The following EYA1 variants were observed in gnomAD, a reference collection of about 807,000 sequenced individuals.
The protein encoded by EYA1 is EYA transcriptional coactivator and phosphatase 1.
EYA1 carries 16 observed loss-of-function variants against 82.0 expected under a neutral mutation model. That is an observed-to-expected ratio of 0.20 (90% confidence interval 0.13 to 0.30). The LOEUF is 0.30. EYA1 is among the 10% of genes least tolerant of loss of function. The pLI is 1.00. For missense variants in EYA1, 633 were observed against 730.7 expected (o/e 0.87, Z 1.54); for synonymous variants, 261 against 264.4 (o/e 0.99, Z 0.12).
At chr8:71,538,538 A>G (rs1814894721) in intron 1 of EYA1, among the ~76,000 whole-genome samples, 1 of 152,228 alleles carries the variant, frequency 6.6e-6, no homozygotes, top group Admixed American at 6.5e-5. Context: ...CCTAAGAAAC[A>G]GGCTTAAGCA....
At chr8:71,216,663 T>C (rs1563633210) in intron 14 of EYA1, 29 bp downstream of exon 14, 2 of 1,611,654 alleles carry the variant, frequency 1.2e-6, no homozygotes, top group Non-Finnish European at 1.7e-6. Context: ...CTGTCTTAAC[T>C]TGCTGAGGTA....
intron 2 of EYA1, among the ~76,000 whole-genome samples, chr8:71,374,952 A>G (rs1024315144): frequency 6.6e-6 from 1 of 152,200 alleles, no homozygotes; most frequent in African/African-American, 2.4e-5. Context: ...AAAGTCAAAT[A>G]CATAGAAAGA....
intron 2 of EYA1, among the ~76,000 whole-genome samples, chr8:71,374,976 A>T (rs570452222): frequency 6.6e-6 from 1 of 152,164 alleles, no homozygotes; most frequent in East Asian, 1.9e-4. Flanking sequence ...TAATGTGGTT[A>T]CCAGGGGCAA....
chr8:71,317,372 A>T (rs902146570), intron 7 of EYA1, among the ~76,000 whole-genome samples, 180 bp downstream of exon 7: 2 of 152,210 alleles, frequency 1.3e-5, no homozygotes, highest in African/African-American at 4.8e-5. Flanking sequence ...TGTTATAAAT[A>T]TGGAAATTTA....
intron 2 of EYA1, among the ~76,000 whole-genome samples, chr8:71,439,610 T>C (rs80145723): frequency 0.013 from 1,995 of 152,338 alleles, 37 homozygotes; most frequent in African/African-American, 0.046. Context: ...ATGGCATTAT[T>C]TGGCTTACCA....
intron 2 of EYA1, among the ~76,000 whole-genome samples, chr8:71,416,269 G>A (rs1007847249): frequency 1.3e-5 from 2 of 152,338 alleles, no homozygotes; most frequent in Middle Eastern, 3.4e-3. Flanking sequence ...CTCTGTGACA[G>A]CAGTACTATT....
chr8:71,267,694 A>T (rs2053663), intron 11 of EYA1, among the ~76,000 whole-genome samples: 313 of 151,912 alleles, frequency 2.1e-3, no homozygotes, highest in Non-Finnish European at 4.2e-3. Context: ...GACTACAGGC[A>T]CCTGCCACCA....
At chr8:71,437,132 C>T (rs1368470883) in intron 2 of EYA1, among the ~76,000 whole-genome samples, 1 of 148,798 alleles carries the variant, frequency 6.7e-6, no homozygotes, top group Non-Finnish European at 1.5e-5. Flanking sequence ...AGTTTGCCTA[C>T]ATATAATTAT....
intron 11 of EYA1, among the ~76,000 whole-genome samples, chr8:71,267,813 G>T (rs1261443196): frequency 6.6e-6 from 1 of 152,178 alleles, no homozygotes; most frequent in African/African-American, 2.4e-5. Flanking sequence ...CTCCCAAAGT[G>T]CTGGGATTAC....
intron 3 of EYA1, among the ~76,000 whole-genome samples, chr8:71,336,862 A>G (rs775950377): frequency 1.3e-4 from 20 of 152,350 alleles, no homozygotes; most frequent in Non-Finnish European, 2.5e-4. Flanking sequence ...ACTGTAATTG[A>G]ATACTTTGAT....
chr8:71,380,932 C>T (rs1303713229), intron 2 of EYA1, among the ~76,000 whole-genome samples: 1 of 152,230 alleles, frequency 6.6e-6, no homozygotes, highest in African/African-American at 2.4e-5. Flanking sequence ...GTGTTGCTGG[C>T]TCAGACTCCT....
intron 2 of EYA1, among the ~76,000 whole-genome samples, chr8:71,489,658 A>G (rs943016541): frequency 1.3e-5 from 2 of 152,244 alleles, no homozygotes; most frequent in African/African-American, 4.8e-5. Flanking sequence ...AGCTAATAGC[A>G]ATGGTTTCAG....
At chr8:71,287,130 G>GA (rs965812689) in intron 9 of EYA1, among the ~76,000 whole-genome samples, 1 of 150,532 alleles carries the variant, frequency 6.6e-6, no homozygotes, top group Admixed American at 6.6e-5. Context: ...TGGCATAAAA[G>GA]AAAAAAAAGG....
chr8:71,300,513 T>C (rs1423049535), intron 7 of EYA1, among the ~76,000 whole-genome samples: 1 of 152,156 alleles, frequency 6.6e-6, no homozygotes, highest in African/African-American at 2.4e-5. Flanking sequence ...AAAACGGCAT[T>C]CATACACTGC....
At chr8:71,238,684 G>A (rs1812130390) in intron 12 of EYA1, among the ~76,000 whole-genome samples, 1 of 151,922 alleles carries the variant, frequency 6.6e-6, no homozygotes, top group African/African-American at 2.4e-5. Flanking sequence ...TCTGAAGGCT[G>A]TTGTAAATTC....
chr8:71,284,222 T>C (rs985009822), intron 9 of EYA1, among the ~76,000 whole-genome samples: 1 of 152,210 alleles, frequency 6.6e-6, no homozygotes, highest in African/African-American at 2.4e-5. Flanking sequence ...CAACCAGAGC[T>C]TGGCTGCTTG....
chr8:71,518,056 TA>T (rs144732600), intron 2 of EYA1, among the ~76,000 whole-genome samples: 4,371 of 152,072 alleles, frequency 0.029, 216 homozygotes, highest in African/African-American at 0.099. Context: ...TCTACAAAAA[TA>T]TTTTTTTTCA....
chr8:71,491,621 A>G (rs985295656), intron 2 of EYA1, among the ~76,000 whole-genome samples: 4 of 152,220 alleles, frequency 2.6e-5, no homozygotes, highest in African/African-American at 4.8e-5. Context: ...GAAGAAACCA[A>G]TCCTGCTGAC....
intron 2 of EYA1, among the ~76,000 whole-genome samples, chr8:71,511,019 T>C (rs151289489): frequency 6.6e-6 from 1 of 152,314 alleles, no homozygotes; most frequent in African/African-American, 2.4e-5. Flanking sequence ...TTTCCTTCCA[T>C]TCTAACTACT....
Sources: allele counts gnomAD v4.1 joint callset (sites outside exome capture counted in the v4.1 genomes callset), GRCh38; gene constraint gnomAD v4.1.1; transcripts MANE v1.5; gene names NCBI Gene and HGNC (gene_info 2026-07-23, HGNC 2026-07-21).